SNTG1: variants seen among roughly 807,000 people sequenced by gnomAD.
The protein encoded by SNTG1 is gamma-1-syntrophin.
In SNTG1, 39 loss-of-function variants were observed where a neutral mutation model predicts 74.7. The ratio of observed to expected loss-of-function variants is 0.52; its 90% CI spans 0.40 to 0.68. The LOEUF is 0.68. SNTG1 is among the 30% of genes least tolerant of loss of function. The probability of loss-of-function intolerance (pLI) is 0.00; values close to 1 mark genes in which losing one functional copy is unlikely to be tolerated. For missense variants in SNTG1, 685 were observed against 609.5 expected, an observed-to-expected ratio of 1.12 and a Z score of -1.30; for synonymous variants, 254 against 217.1, an observed-to-expected ratio of 1.17 and a Z score of -1.49.
At chr8:50,676,956 A>G (rs1423307854) in intron 15 of SNTG1, among the ~76,000 whole-genome samples, 1 of 152,012 alleles carries the variant, frequency 6.6e-6, no homozygotes, top group Non-Finnish European at 1.5e-5. Context: ...CACAAAAGCT[A>G]TCTAATTCTG....
chr8:50,649,764 G>A (rs1308542178), intron 13 of SNTG1, among the ~76,000 whole-genome samples: 2 of 151,654 alleles, frequency 1.3e-5, no homozygotes, highest in Non-Finnish European at 2.9e-5. Context: ...GTCTTTTTTA[G>A]TTTTAGTCTA....
chr8:50,379,932 C>T (rs1430525109), intron 2 of SNTG1, among the ~76,000 whole-genome samples: 1 of 152,144 alleles, frequency 6.6e-6, no homozygotes, highest in East Asian at 1.9e-4. Context: ...TGTCCAGCTC[C>T]CATTTTCTGC....
At chr8:49,990,378 T>A (rs573488825) in intron 1 of SNTG1, among the ~76,000 whole-genome samples, 68 of 152,142 alleles carry the variant, frequency 4.5e-4, no homozygotes, top group African/African-American at 1.5e-3. Context: ...ACAATCTTTA[T>A]TAGATTCTAG....
At chr8:49,962,555 C>A (rs1183366967) in intron 1 of SNTG1, among the ~76,000 whole-genome samples, 1 of 151,818 alleles carries the variant, frequency 6.6e-6, no homozygotes, top group African/African-American at 2.4e-5. Context: ...TCTGTATTTA[C>A]CTCAGATAGA....
intron 11 of SNTG1, among the ~76,000 whole-genome samples, chr8:50,549,654 G>A (rs1319797705): frequency 3.3e-5 from 5 of 152,060 alleles, no homozygotes; most frequent in African/African-American, 4.8e-5. Flanking sequence ...CACCTTGTCC[G>A]ATCACCAACT....
At chr8:50,369,459 G>A (rs1399632955) in intron 2 of SNTG1, among the ~76,000 whole-genome samples, 1 of 152,110 alleles carries the variant, frequency 6.6e-6, no homozygotes, top group African/African-American at 2.4e-5. Context: ...AGCCAGGGGT[G>A]GTAGTGCATG....
At chr8:50,759,694 ATG>A in intron 18 of SNTG1, among the ~76,000 whole-genome samples, 1 of 152,022 alleles carries the variant, frequency 6.6e-6, no homozygotes, top group South Asian at 2.1e-4. Context: ...TGGTATATAT[ATG>A]TATATATATG....
intron 13 of SNTG1, among the ~76,000 whole-genome samples, chr8:50,642,704 C>T (rs1035645696): frequency 6.6e-6 from 1 of 152,108 alleles, no homozygotes; most frequent in Non-Finnish European, 1.5e-5. Context: ...TTAGGGCAAT[C>T]GCAGCTACAA....
At chr8:50,731,490 T>A (rs2095512934) in intron 17 of SNTG1, among the ~76,000 whole-genome samples, 1 of 152,106 alleles carries the variant, frequency 6.6e-6, no homozygotes, top group Admixed American at 6.6e-5. Flanking sequence ...ATTGAAAAGC[T>A]TTTGACGCCA....
chr8:50,014,644 C>T (rs1379904042), intron 1 of SNTG1, among the ~76,000 whole-genome samples: 3 of 152,102 alleles, frequency 2.0e-5, no homozygotes, highest in African/African-American at 7.2e-5. Context: ...GACATGGACT[C>T]ACATACAGAT....
chr8:50,453,275 G>A (rs796867471), intron 8 of SNTG1, among the ~76,000 whole-genome samples: 1 of 151,150 alleles, frequency 6.6e-6, no homozygotes, highest in African/African-American at 2.4e-5. Context: ...ATTTGTGGAT[G>A]GGATTCTGTA....
intron 2 of SNTG1, among the ~76,000 whole-genome samples, chr8:50,185,827 A>G (rs546676947): frequency 1.3e-5 from 2 of 150,372 alleles, no homozygotes; most frequent in Non-Finnish European, 3.0e-5. Context: ...TTTTTATTTT[A>G]TTTATTTTTT....
At chr8:50,264,373 G>A (rs1304903305) in intron 2 of SNTG1, among the ~76,000 whole-genome samples, 2 of 151,870 alleles carry the variant, frequency 1.3e-5, no homozygotes, top group East Asian at 1.9e-4. Context: ...TTCGAGACCA[G>A]CCTGACCAAC....
chr8:50,338,082 G>C (rs1401945154), intron 2 of SNTG1, among the ~76,000 whole-genome samples: 1 of 31,924 alleles, frequency 3.1e-5, no homozygotes, highest in Non-Finnish European at 5.2e-4. Context: ...CTTGCAGTGA[G>C]CCGAGATTGC....
intron 4 of SNTG1, among the ~76,000 whole-genome samples, chr8:50,421,046 C>CG (rs1172604268): frequency 4.9e-3 from 13 of 2,642 alleles, no homozygotes; most frequent in African/African-American, 6.5e-3. Context: ...AGGCGGTGGG[C>CG]GGGGGAGGGG....
intron 2 of SNTG1, among the ~76,000 whole-genome samples, chr8:50,304,494 G>C (rs1345292911): frequency 6.6e-6 from 1 of 151,832 alleles, no homozygotes; most frequent in Non-Finnish European, 1.5e-5. Context: ...TTTTTCTGTA[G>C]TTAAATAGAC....
At chr8:50,571,817 G>A (rs1252585382) in intron 12 of SNTG1, among the ~76,000 whole-genome samples, 1 of 152,160 alleles carries the variant, frequency 6.6e-6, no homozygotes, top group African/African-American at 2.4e-5. Context: ...GTGTTAAGCA[G>A]TAGATGAAAG....
At chr8:49,919,256 A>G (rs544234875) in intron 1 of SNTG1, among the ~76,000 whole-genome samples, 1 of 152,244 alleles carries the variant, frequency 6.6e-6, no homozygotes, top group African/African-American at 2.4e-5. Context: ...CCAAGGGAAT[A>G]TTACATATTG....
intron 17 of SNTG1, among the ~76,000 whole-genome samples, chr8:50,725,072 A>G (rs1437837072): frequency 6.6e-6 from 1 of 152,192 alleles, no homozygotes; most frequent in Non-Finnish European, 1.5e-5. Flanking sequence ...CAAAATGAGT[A>G]TATTTCATTT....
Sources: allele counts gnomAD v4.1 joint callset (sites outside exome capture counted in the v4.1 genomes callset), GRCh38; gene constraint gnomAD v4.1.1; transcripts MANE v1.5; gene names NCBI Gene and HGNC (gene_info 2026-07-23, HGNC 2026-07-21).